PDE7B: variants seen among roughly 807,000 people sequenced by gnomAD.
PDE7B encodes the protein phosphodiesterase 7B, also known as 3',5'-cyclic-AMP phosphodiesterase 7B.
A neutral mutation model predicts 56.2 loss-of-function variants in PDE7B; 29 were observed. The ratio of observed to expected loss-of-function variants is 0.52; its 90% CI spans 0.38 to 0.70. The LOEUF (loss-of-function observed/expected upper bound fraction) is 0.70. PDE7B is among the 30% of genes least tolerant of loss of function. PDE7B has a pLI of 0.00. For synonymous variants in PDE7B, 197 were observed against 196.9 expected, an observed-to-expected ratio of 1.00 and a Z score of 0.00; for missense variants, 490 against 565.0, an observed-to-expected ratio of 0.87 and a Z score of 1.35.
chr6:136,023,656 C>G (rs1260125216), intron 2 of PDE7B, among the ~76,000 whole-genome samples: 5 of 152,114 alleles, frequency 3.3e-5, no homozygotes, highest in Admixed American at 3.3e-4. Context: ...CTATCAGTCT[C>G]TACAGTCTCT....
rs74822774 is a variant in PDE7B at position 136,154,359 on chromosome 6, T to C, written c.579+184T>C. Among the ~76,000 whole-genome samples the C allele has an allele frequency of 2.6e-3, 393 of 150,908 alleles. 5 individuals carry two copies. The highest frequency in any genetic ancestry group is 9.1e-3 in the African/African-American group (373 of 40,986). On this transcript the variant is annotated intron_variant, in intron 7 of 12. Transcript: ENST00000308191. Reference sequence around the variant, plus strand: ...ATCTTACAATGTTCACGAAAAAGGATGAGACTCATCTGAGGTTTTCTTTCA... The same window carrying C: ...ATCTTACAATGTTCACGAAAAAGGACGAGACTCATCTGAGGTTTTCTTTCA...
chr6:135,896,969 G>C (rs529433204), intron 1 of PDE7B, among the ~76,000 whole-genome samples: 1 of 152,118 alleles, frequency 6.6e-6, no homozygotes, highest in African/African-American at 2.4e-5. Context: ...ATCAAGCTTA[G>C]CACCTCCTCC....
intron 1 of PDE7B, among the ~76,000 whole-genome samples, chr6:135,883,293 G>A (rs1395167884): frequency 1.3e-5 from 2 of 152,042 alleles, no homozygotes; most frequent in African/African-American, 4.8e-5. Context: ...AGGTGACACT[G>A]AGCCCTCATG....
At chr6:136,150,140 G>A (rs1168840852) in intron 5 of PDE7B, among the ~76,000 whole-genome samples, 1 of 152,128 alleles carries the variant, frequency 6.6e-6, no homozygotes, top group Non-Finnish European at 1.5e-5. Context: ...CAATTAATTA[G>A]AGATCCAGTA....
chr6:135,887,822 T>A (rs949556615), intron 1 of PDE7B, among the ~76,000 whole-genome samples: 2 of 152,082 alleles, frequency 1.3e-5, no homozygotes, highest in African/African-American at 4.8e-5. Flanking sequence ...AAAAAATAAA[T>A]CTCATGTGAC....
chr6:135,953,960 ACT>A (rs1036626516), intron 2 of PDE7B, among the ~76,000 whole-genome samples: 3 of 151,910 alleles, frequency 2.0e-5, no homozygotes, highest in African/African-American at 7.3e-5. Context: ...TCATCAATTC[ACT>A]CTCTCTATAT....
intron 2 of PDE7B, among the ~76,000 whole-genome samples, chr6:135,963,126 A>T (rs961456590): frequency 1.3e-5 from 2 of 152,180 alleles, no homozygotes; most frequent in Non-Finnish European, 2.9e-5. Context: ...ACACAGCCAC[A>T]CTAGTACACA....
intron 2 of PDE7B, among the ~76,000 whole-genome samples, chr6:136,051,719 G>A (rs1460608262): frequency 6.6e-6 from 1 of 152,120 alleles, no homozygotes; most frequent in Non-Finnish European, 1.5e-5. Flanking sequence ...ACTCATCTAC[G>A]GCCATGTAAT....
chr6:135,957,133 G>C (rs968149121), intron 2 of PDE7B, among the ~76,000 whole-genome samples: 1 of 152,186 alleles, frequency 6.6e-6, no homozygotes, highest in Admixed American at 6.5e-5. Context: ...GAAGCATGGA[G>C]ATAGAGACAG....
At chr6:135,870,455 C>T (rs1775355732) in intron 1 of PDE7B, among the ~76,000 whole-genome samples, 1 of 151,380 alleles carries the variant, frequency 6.6e-6, no homozygotes, top group Admixed American at 6.6e-5. Flanking sequence ...TGTGTGTGCA[C>T]ACAGGCTTAG....
At chr6:135,897,053 C>G (rs535323262) in intron 1 of PDE7B, among the ~76,000 whole-genome samples, 1 of 152,310 alleles carries the variant, frequency 6.6e-6, no homozygotes, top group African/African-American at 2.4e-5. Flanking sequence ...AAGCCATCTT[C>G]ATCAGATCAC....
chr6:135,899,455 T>C (rs1273986059), intron 1 of PDE7B, among the ~76,000 whole-genome samples: 1 of 150,900 alleles, frequency 6.6e-6, no homozygotes, highest in East Asian at 1.9e-4. Flanking sequence ...ATATGAGATC[T>C]ATATGTAAAC....
At chr6:135,958,068 C>T (rs1161435466) in intron 2 of PDE7B, among the ~76,000 whole-genome samples, 1 of 152,104 alleles carries the variant, frequency 6.6e-6, no homozygotes, top group Non-Finnish European at 1.5e-5. Context: ...CCCATCTCTA[C>T]TAAAATACAA....
chr6:136,025,899 A>G (rs979704643), intron 2 of PDE7B, among the ~76,000 whole-genome samples: 7 of 151,378 alleles, frequency 4.6e-5, no homozygotes, highest in Admixed American at 6.6e-5. Context: ...TTTCTTTTCC[A>G]TTTCTGGCCA....
chr6:136,163,763 C>G (rs1261568885), intron 8 of PDE7B, among the ~76,000 whole-genome samples: 1 of 152,224 alleles, frequency 6.6e-6, no homozygotes, highest in East Asian at 1.9e-4. Context: ...TTCCACTGAT[C>G]TCTAGAACAG....
intron 2 of PDE7B, among the ~76,000 whole-genome samples, chr6:136,087,243 G>A (rs1265604854): frequency 1.3e-5 from 2 of 152,144 alleles, no homozygotes; most frequent in Non-Finnish European, 2.9e-5. Flanking sequence ...GAATTTCAGA[G>A]GGTGACTAAT....
At chr6:136,031,547 G>A (rs1441616931) in intron 2 of PDE7B, among the ~76,000 whole-genome samples, 3 of 151,722 alleles carry the variant, frequency 2.0e-5, no homozygotes, top group African/African-American at 4.8e-5. Flanking sequence ...AGACCATCCC[G>A]GCTAAAACGG....
intron 2 of PDE7B, among the ~76,000 whole-genome samples, chr6:136,010,716 G>C (rs1022302513): frequency 1.2e-4 from 18 of 151,920 alleles, no homozygotes; most frequent in Non-Finnish European, 1.8e-4. Flanking sequence ...GCAACCACTG[G>C]GTCCCTCCCT....
At chr6:136,077,508 T>G (rs1777144319) in intron 2 of PDE7B, among the ~76,000 whole-genome samples, 1 of 150,554 alleles carries the variant, frequency 6.6e-6, no homozygotes, top group African/African-American at 2.4e-5. Context: ...AGCCTTAGAG[T>G]GTTAGTTGGC....
Sources: gnomAD v4.1 joint callset for allele counts (sites outside exome capture counted in the v4.1 genomes callset) on GRCh38, gnomAD v4.1.1 for gene constraint, MANE v1.5 for transcripts, NCBI Gene and HGNC (gene_info 2026-07-23, HGNC 2026-07-21) for gene names.